USP54: variants seen among roughly 807,000 people sequenced by gnomAD.
USP54 encodes the protein ubiquitin specific peptidase 54, also known as ubiquitin carboxyl-terminal hydrolase 54.
Under a neutral mutation model 170.5 loss-of-function variants are expected in USP54, and 87 were observed. That is an observed-to-expected ratio of 0.51 (90% CI 0.43 to 0.61). The LOEUF (loss-of-function observed/expected upper bound fraction) is 0.61. Among genes scored for constraint, USP54 ranks in the 20% least tolerant of loss-of-function variants. The pLI is 0.00. For missense variants in USP54, 1,786 were observed against 2,047.8 expected (o/e 0.87, Z 2.47); for synonymous variants, 655 against 742.8 (o/e 0.88, Z 1.92).
intron 23 of USP54, 73 bp from the exon 24 acceptor site, chr10:73,499,261 AG>A: frequency 6.9e-7 from 1 of 1,457,706 alleles, no homozygotes; most frequent in East Asian, 2.3e-5. Context: ...AGCCATGCCT[AG>A]CTGTGTAGCC....
chr10:73,498,796 CA>C lies in USP54; in HGVS notation c.4887del (p.Gly1630ValfsTer5). On this transcript the variant is annotated frameshift_variant, in exon 24 of 24. Coordinates refer to ENST00000687698, the MANE Select transcript of USP54 (RefSeq NM_001391956.1). LOFTEE classifies it high-confidence loss of function. ...NSDPVPGSRT[P>X]GPRRVDMPPD... ...GGGGGCATATCTACTCTTCGAGGAC[CA>C]GGGGTTCGGGACCCTGGAACAGGAT... 10 of 1,613,028 alleles carry C rather than the reference CA, an allele frequency of 6.2e-6. No homozygotes were observed. Among genetic ancestry groups the C allele is most frequent in the Non-Finnish European group, 8.5e-6 (10 of 1,179,526 alleles).
In USP54 at chr10:73,498,888, A is replaced by ATGGGAGGG. The variant is rs747988594; in HGVS notation, c.4788_4795dup (p.Ile1599ThrfsTer19). The ATGGGAGGG allele has an allele frequency of 5.0e-6, 3 of 600,564 alleles. No homozygotes were observed. The highest frequency in any genetic ancestry group is 2.0e-5 in the Admixed American group (1 of 50,878). 37.2% of individuals were successfully genotyped at this position (600,564 alleles called of 1,614,324 possible). ...AGATGGTGGGTACACAGGATGAACA[A>ATGGGAGGG]TGGGAGGGTGGGAGGGTGAATGGAA... On this transcript the variant is annotated frameshift_variant, in exon 24 of 24. Coordinates refer to ENST00000687698, the MANE Select transcript of USP54 (RefSeq NM_001391956.1). LOFTEE classifies it high-confidence loss of function.
intron 1 of USP54, among the ~76,000 whole-genome samples, chr10:73,624,198 AT>A (rs1208558815): frequency 0.039 from 4,004 of 102,378 alleles, 188 homozygotes; most frequent in East Asian, 0.24. Flanking sequence ...ATATATATGT[AT>A]TTTTTTTTTT....
At chr10:73,539,878 C>T (rs1216217825) in intron 9 of USP54, among the ~76,000 whole-genome samples, 2 of 152,126 alleles carry the variant, frequency 1.3e-5, no homozygotes, top group African/African-American at 2.4e-5. Flanking sequence ...GTAATTCCTA[C>T]ACTTTGGGAG....
intron 4 of USP54, among the ~76,000 whole-genome samples, chr10:73,565,001 A>C (rs2073950499): frequency 6.6e-6 from 1 of 151,876 alleles, no homozygotes; most frequent in Admixed American, 6.6e-5. Context: ...TGACCCCAGG[A>C]AACTGAGGCT....
intron 1 of USP54, among the ~76,000 whole-genome samples, chr10:73,619,670 G>A (rs928042134): frequency 2.7e-5 from 4 of 150,442 alleles, no homozygotes; most frequent in Non-Finnish European, 5.9e-5. Flanking sequence ...TCAGAGAAGC[G>A]TTTATTAAAT....
chr10:73,566,421 G>C (rs2073824126), intron 4 of USP54, among the ~76,000 whole-genome samples: 1 of 151,674 alleles, frequency 6.6e-6, no homozygotes, highest in Non-Finnish European at 1.5e-5. Flanking sequence ...AAATATATAG[G>C]TAGTAAAACA....
chr10:73,498,743 A>C lies in USP54; in HGVS notation c.4941T>G (p.Tyr1647Ter). 1 of 1,613,956 alleles carries C rather than the reference A, an allele frequency of 6.2e-7. No individual in the cohort carries two copies. The highest frequency in any genetic ancestry group is 8.5e-7 in the Non-Finnish European group (1 of 1,179,922). Residue 1647 changes from tyrosine (Y) to a stop codon, truncating the protein, a stop_gained, in exon 24 of 24, where the codon TAT (tyrosine) becomes TAG (stop). Coordinates refer to ENST00000687698, the MANE Select transcript of USP54 (RefSeq NM_001391956.1). LOFTEE classifies it high-confidence loss of function. The part of the protein sequence containing the change: ...PPDDDWRQSS[Y>*]ASHSGHRRTV... ...TTCTCCTGTGTCCAGAGTGGGAGGCATAACTGCTTTGCCTCCAGTCATCAT... is the reference window on the plus strand; with the variant it reads ...TTCTCCTGTGTCCAGAGTGGGAGGCCTAACTGCTTTGCCTCCAGTCATCAT...
In USP54 at chr10:73,530,824, C is replaced by T; in HGVS notation, c.1327G>A (p.Asp443Asn). Reference sequence around the variant, plus strand: ...GTGTGTTTCTGATTACATTCACTATCAGTCAGGTGTCCTGAAAAAACAAGG... The same window carrying T: ...GTGTGTTTCTGATTACATTCACTATTAGTCAGGTGTCCTGAAAAAACAAGG... ...QSSRDTGHLT[D>N]SECNQKHTSK... Residue 443 changes from aspartate to asparagine, a missense_variant, in exon 13 of 24, where the codon GAT (aspartate) becomes AAT (asparagine). By Grantham distance (23) the Asp-to-Asn change is conservative. This residue lies in a region of USP54 where 1,418 missense variants were observed against 1,569.0 expected (regional missense o/e 0.90). Coordinates refer to ENST00000687698, the MANE Select transcript of USP54 (RefSeq NM_001391956.1). 1 of 1,613,978 alleles carries T rather than the reference C, an allele frequency of 6.2e-7. No individual in the cohort carries two copies. Among genetic ancestry groups the T allele is most frequent in the Non-Finnish European group, 8.5e-7 (1 of 1,179,920 alleles).
Position 73,541,375 on chromosome 10 carries a change from A to G in USP54, c.825T>C (p.Asp275=). ...AGAGATAAAGGTAACTAACACGCAC[A>G]TCACCCAGCTTAAGGCAGGTTCCCA... ...HSLGTCLKLG[D]LFFRVTDDRA... The change falls in exon 9 of 24, where the codon GAT becomes GAC. Residue 275 remains aspartate, a splice_region_variant and synonymous_variant. Coordinates refer to ENST00000687698, the MANE Select transcript of USP54 (RefSeq NM_001391956.1). The G allele has an allele frequency of 6.2e-7, 1 of 1,614,102 alleles. No homozygotes were observed. Among genetic ancestry groups the G allele is most frequent in the Non-Finnish European group, 8.5e-7 (1 of 1,179,980 alleles).
At chr10:73,606,802 C>G (rs1329621312) in intron 1 of USP54, among the ~76,000 whole-genome samples, 2 of 149,830 alleles carry the variant, frequency 1.3e-5, no homozygotes, top group African/African-American at 4.9e-5. Context: ...TGGTGTGAAC[C>G]TGGGAGGTGG....
chr10:73,524,383 C>T (rs568956687), intron 16 of USP54, among the ~76,000 whole-genome samples: 1 of 151,558 alleles, frequency 6.6e-6, no homozygotes, highest in African/African-American at 2.4e-5. Flanking sequence ...AGTTTGAGAC[C>T]AGCCTGGCCA....
rs1171685810 is a variant in USP54 at position 73,530,240 on chromosome 10, T to C, written c.1731A>G (p.Arg577=). ...CAATATTCAGAGATTCTCGTTTGGG[T>C]CTCCATGTGGGACGATACTTGCTGG... ...SSSSKYRPTW[R]PKRESLNIDS... The change falls in exon 14 of 24, where the codon AGA becomes AGG. Residue 577 remains arginine (R), a synonymous_variant. Coordinates refer to ENST00000687698, the MANE Select transcript of USP54 (RefSeq NM_001391956.1). The C allele has an allele frequency of 1.2e-6, 2 of 1,614,138 alleles. No individual in the cohort carries two copies.
At chr10:73,581,895 A>C (rs571027403) in intron 1 of USP54, among the ~76,000 whole-genome samples, 1 of 152,348 alleles carries the variant, frequency 6.6e-6, no homozygotes, top group African/African-American at 2.4e-5. Flanking sequence ...GCCAGAATTA[A>C]AGACATACCT....
chr10:73,604,361 G>A (rs1427951684), intron 1 of USP54, among the ~76,000 whole-genome samples: 2 of 152,126 alleles, frequency 1.3e-5, no homozygotes, highest in Admixed American at 6.6e-5. Context: ...TAGCCAGTAT[G>A]AAAATTAGTA....
Position 73,503,656 on chromosome 10 carries a change from C to G in USP54, c.4311+1194G>C, listed in dbSNP as rs34244546. The stretch of plus-strand genomic sequence containing the variant: ...CACCTTTTCCAAAAAAGAATGGCAG[C>G]CTGATCAGAATTGCTTAGGAATTTA... On this transcript the variant is annotated intron_variant, in intron 22 of 23. Transcript: ENST00000687698. Among the ~76,000 whole-genome samples the G allele has an allele frequency of 5.7e-3, 872 of 152,220 alleles. 5 individuals are homozygous for G. The highest frequency in any genetic ancestry group is 6.4e-3 in the Non-Finnish European group (434 of 68,008).
At chr10:73,550,818 T>G (rs2133602997) in intron 4 of USP54, among the ~76,000 whole-genome samples, 1 of 152,180 alleles carries the variant, frequency 6.6e-6, no homozygotes, top group Non-Finnish European at 1.5e-5. Context: ...GTCAAAATTG[T>G]TTTTCCGGCC....
intron 4 of USP54, among the ~76,000 whole-genome samples, chr10:73,556,083 A>G (rs1276636605): frequency 6.6e-6 from 1 of 152,206 alleles, no homozygotes; most frequent in African/African-American, 2.4e-5. Flanking sequence ...GATCAAAACA[A>G]TGAAGTTAAC....
At chr10:73,542,077 A>G (rs370179898) in intron 7 of USP54, among the ~76,000 whole-genome samples, 1 of 152,292 alleles carries the variant, frequency 6.6e-6, no homozygotes, top group East Asian at 1.9e-4. Flanking sequence ...TAAGGATATA[A>G]AACTATTTGT....
Sources: gnomAD v4.1 joint callset for allele counts (sites outside exome capture counted in the v4.1 genomes callset) on GRCh38, gnomAD v4.1.1 for gene constraint, gnomAD v4.1.1 regional missense constraint, MANE v1.5 for transcripts, NCBI Gene and HGNC (gene_info 2026-07-23, HGNC 2026-07-21) for gene names.